The following ATP9B variants were observed in gnomAD, a reference collection of about 807,000 sequenced individuals.
The protein encoded by ATP9B is probable phospholipid-transporting ATPase IIB.
Under a neutral mutation model 146.1 loss-of-function variants are expected in ATP9B, and 110 were observed. The ratio of observed to expected loss-of-function variants is 0.75; its 90% CI spans 0.65 to 0.88. The LOEUF is 0.88. Ranked by LOEUF, ATP9B falls within the 40% of genes least tolerant of loss-of-function variation. The pLI is 0.00. For synonymous variants in ATP9B, 604 were observed against 569.7 expected (o/e 1.06, Z -0.86); for missense variants, 1,499 against 1,496.4 (o/e 1.00, Z -0.03).
In ATP9B at chr18:79,102,962, T is replaced by C. The variant is rs368634061; in HGVS notation, c.293+6313T>C. Among the ~76,000 whole-genome samples the C allele has an allele frequency of 1.2e-4, 19 of 152,366 alleles. No homozygotes were observed. The East Asian group carries it at 2.7e-3, about 22-fold the overall frequency. On this transcript the variant is annotated intron_variant, in intron 2 of 29. Transcript: ENST00000426216. ...GTGTAGAAATACAGTTGATTTTGTA[T>C]GTTAGATCCTTTATCCTATAACCTT... is the stretch of plus-strand genomic sequence containing the variant.
intron 1 of ATP9B, among the ~76,000 whole-genome samples, chr18:79,071,071 C>CTTTTCTT (rs2071703705): frequency 1.1e-5 from 1 of 94,904 alleles, no homozygotes; most frequent in Non-Finnish European, 2.1e-5. Flanking sequence ...TTTTTTGCCA[C>CTTTTCTT]TTTTTGGGTT....
intron 12 of ATP9B, among the ~76,000 whole-genome samples, chr18:79,264,060 A>G (rs2096175175): frequency 6.6e-6 from 1 of 152,192 alleles, no homozygotes; most frequent in Non-Finnish European, 1.5e-5. Context: ...ACTCCAGCCC[A>G]GGCGACAGTG....
At chr18:79,278,389 C>T (rs989762422) in intron 13 of ATP9B, among the ~76,000 whole-genome samples, 9 of 152,124 alleles carry the variant, frequency 5.9e-5, no homozygotes, top group Admixed American at 1.3e-4. Flanking sequence ...ACTTTCAATA[C>T]GGTGTTCAAG....
intron 13 of ATP9B, among the ~76,000 whole-genome samples, chr18:79,292,120 T>C (rs946793301): frequency 4.7e-5 from 7 of 150,210 alleles, no homozygotes; most frequent in Admixed American, 2.6e-4. Context: ...ACACCACACT[T>C]TATTTATCCA....
intron 11 of ATP9B, among the ~76,000 whole-genome samples, chr18:79,229,470 G>A (rs2095768432): frequency 6.6e-6 from 1 of 152,188 alleles, no homozygotes; most frequent in African/African-American, 2.4e-5. Context: ...AGTATAGAGA[G>A]CAGAATTTTC....
At chr18:79,349,905 C>T (rs920503289) in intron 25 of ATP9B, among the ~76,000 whole-genome samples, 1 of 120,592 alleles carries the variant, frequency 8.3e-6, no homozygotes, top group African/African-American at 3.2e-5. Flanking sequence ...CCCCCCCCCC[C>T]ACCATGCACC....
intron 11 of ATP9B, among the ~76,000 whole-genome samples, chr18:79,241,402 C>A (rs2095887237): frequency 6.6e-6 from 1 of 152,108 alleles, no homozygotes; most frequent in African/African-American, 2.4e-5. Context: ...TTTCTTAGAT[C>A]CCCCGTAGTG....
chr18:79,224,583 A>T (rs1428116892), intron 11 of ATP9B, among the ~76,000 whole-genome samples: 1 of 152,202 alleles, frequency 6.6e-6, no homozygotes, highest in Admixed American at 6.5e-5. Context: ...CATCAAAAAC[A>T]GGTCACGTGT....
chr18:79,319,982 C>T (rs1222576592), intron 15 of ATP9B, among the ~76,000 whole-genome samples: 2 of 152,198 alleles, frequency 1.3e-5, no homozygotes, highest in Non-Finnish European at 2.9e-5. Context: ...TCTCTTTAAA[C>T]TCAGAGCCCA....
At position 79,277,106 on chromosome 18, in the gene ATP9B, A is replaced by G. The variant is rs1296807560; in HGVS notation, c.1321A>G (p.Lys441Glu). The G allele has an allele frequency of 6.2e-7, 1 of 1,614,074 alleles. No homozygotes were observed. The highest frequency in any genetic ancestry group is 8.5e-7 in the Non-Finnish European group (1 of 1,180,036). ...GKAVYGWMMM[K>E]DENIPGTVVR... is the part of the protein sequence containing the mutation. ...AGCGGTGTATGGATGGATGATGATG[A>G]AAGATGAGAACATCCCTGGCACGGT... is the stretch of plus-strand genomic sequence containing the variant. Residue 441 changes from lysine (K) to glutamate (E), a missense_variant, in exon 13 of 30, where the codon AAA becomes GAA. By Grantham distance (56) the Lys-to-Glu change is moderately conservative (BLOSUM62 1). Coordinates refer to ENST00000426216, the MANE Select transcript of ATP9B (RefSeq NM_198531.5).
At chr18:79,235,102 A>T (rs1181620291) in intron 11 of ATP9B, among the ~76,000 whole-genome samples, 2 of 152,074 alleles carry the variant, frequency 1.3e-5, no homozygotes, top group African/African-American at 4.8e-5. Flanking sequence ...CGAACTCCTA[A>T]CCTCAGATGA....
At chr18:79,193,377 G>A (rs2095387734) in intron 9 of ATP9B, 114 bp downstream of exon 9, 1 of 883,308 alleles carries the variant, frequency 1.1e-6, no homozygotes, top group Admixed American at 2.3e-5. Context: ...TTCAAACTAG[G>A]AAGGGAAAAC....
At chr18:79,104,495 T>C (rs999295596) in intron 2 of ATP9B, among the ~76,000 whole-genome samples, 1 of 152,184 alleles carries the variant, frequency 6.6e-6, no homozygotes, top group African/African-American at 2.4e-5. Context: ...TTGCGGACTT[T>C]AGAATGTTCT....
At chr18:79,344,119 T>C (rs2096873200) in intron 20 of ATP9B, 146 bp from the exon 21 acceptor site, 2 of 724,734 alleles carry the variant, frequency 2.8e-6, no homozygotes, top group Non-Finnish European at 4.8e-6. Flanking sequence ...AAGGACCTTC[T>C]TCCGGGTCCA....
chr18:79,339,559 G>A (rs1037518965), intron 19 of ATP9B, among the ~76,000 whole-genome samples: 8 of 151,518 alleles, frequency 5.3e-5, no homozygotes, highest in African/African-American at 1.9e-4. Flanking sequence ...GCAGTAGGAA[G>A]TGTCATGATC....
intron 10 of ATP9B, among the ~76,000 whole-genome samples, chr18:79,207,940 G>A (rs1016596692): frequency 6.6e-5 from 10 of 152,074 alleles, no homozygotes; most frequent in African/African-American, 2.4e-4. Context: ...TGCTGTGGAC[G>A]GTTTGTAATT....
At position 79,327,556 on chromosome 18, in the gene ATP9B, C is replaced by T. The variant is rs982045403; in HGVS notation, c.1774-1585C>T. ...TGGTTAGCGTGCTCTCCGTGGTTAG[C>T]GTGCTCTCCGTGGTTAGCGTGCTCT... is the stretch of plus-strand genomic sequence containing the variant. On this transcript the variant is annotated intron_variant, in intron 15 of 29. Transcript: ENST00000426216. 8.7e-4 allele frequency among the ~76,000 whole-genome samples: 93 copies of T among 106,918 alleles called. 1 individual carries two copies. The highest frequency in any genetic ancestry group is 5.2e-3 in the Middle Eastern group (1 of 192). The allele number at this position is 106,918 out of a possible 152,430, so 70.1% of individuals were successfully genotyped here. A position where few individuals can be genotyped will look rare whatever the true frequency, so the allele number is the denominator to read the frequency against.
chr18:79,279,677 C>A (rs986358125), intron 13 of ATP9B, among the ~76,000 whole-genome samples: 1 of 152,098 alleles, frequency 6.6e-6, no homozygotes. Flanking sequence ...TAAATGTAAA[C>A]AAAAATACGT....
Position 79,354,623 on chromosome 18 carries a change from A to T in ATP9B, c.2904-4731A>T, listed in dbSNP as rs1334671655. The T allele has an allele frequency of 2.7e-5, 3 of 112,858 alleles. No homozygotes were observed. In the East Asian group the frequency reaches 1.2e-3, roughly 44 times the overall value. The allele number at this position is 112,858 out of a possible 1,614,324, so 7.0% of individuals were successfully genotyped here. A position where few individuals can be genotyped will look rare whatever the true frequency, so the allele number is the denominator to read the frequency against. On this transcript the variant is annotated intron_variant, in intron 25 of 29. Transcript: ENST00000426216. Reference sequence around the variant, plus strand: ...CCAGCCCCACTTCCGGCCCAGCTCCACTTCCAGGACGGTGGGAGGTGAGGT... The same window carrying T: ...CCAGCCCCACTTCCGGCCCAGCTCCTCTTCCAGGACGGTGGGAGGTGAGGT...
Sources: gnomAD v4.1 joint callset for allele counts (sites outside exome capture counted in the v4.1 genomes callset) on GRCh38, gnomAD v4.1.1 for gene constraint, MANE v1.5 for transcripts, NCBI Gene and HGNC (gene_info 2026-07-23, HGNC 2026-07-21) for gene names.